BRD7: variants seen among roughly 807,000 people sequenced by gnomAD.
BRD7 encodes the protein bromodomain-containing protein 7.
In BRD7, 15 loss-of-function variants were observed where a neutral mutation model predicts 82.1. The ratio of observed to expected loss-of-function variants is 0.18; its 90% CI spans 0.12 to 0.28. BRD7 has a LOEUF of 0.28. Among genes scored for constraint, BRD7 ranks in the 10% least tolerant of loss-of-function variants. The pLI is 1.00. For missense variants in BRD7, 638 were observed against 779.9 expected, an observed-to-expected ratio of 0.82 and a Z score of 2.17; for synonymous variants, 232 against 266.9, an observed-to-expected ratio of 0.87 and a Z score of 1.27.
chr16:50,358,924 T>A lies in BRD7; in HGVS notation c.259-4002A>T, dbSNP rs149313668. 4.2e-3 allele frequency among the ~76,000 whole-genome samples: 637 copies of A among 152,312 alleles called. 2 individuals carry two copies. Among genetic ancestry groups the A allele is most frequent in the Non-Finnish European group, 7.3e-3 (497 of 68,020 alleles). On this transcript the variant is annotated intron_variant, in intron 2 of 16. Coordinates refer to ENST00000394688, the MANE Select transcript of BRD7 (RefSeq NM_013263.5). Reference sequence around the variant, plus strand: ...TCACCAGCATATGACTTTTAACAAGTTACCCCACTGTTTTAGTCTCAGTTT... The same window carrying A: ...TCACCAGCATATGACTTTTAACAAGATACCCCACTGTTTTAGTCTCAGTTT...
At chr16:50,347,683 G>C (rs1457478441) in intron 5 of BRD7, among the ~76,000 whole-genome samples, 3 of 152,078 alleles carry the variant, frequency 2.0e-5, no homozygotes, top group Admixed American at 6.6e-5. Flanking sequence ...GAATAAAATA[G>C]CTAGGAATCC....
At chr16:50,360,248 A>T (rs1457918100) in intron 2 of BRD7, among the ~76,000 whole-genome samples, 1 of 152,236 alleles carries the variant, frequency 6.6e-6, no homozygotes, top group African/African-American at 2.4e-5. Context: ...AATTAATCAT[A>T]GGAGACAGCA....
Position 50,318,691 on chromosome 16 carries a change from C to CTCTT in BRD7, c.*516_*519dup, listed in dbSNP as rs1282845427. The CTCTT allele has an allele frequency of 2.0e-5, 3 of 152,710 alleles. No homozygotes were observed. 9.5% of individuals were successfully genotyped at this position (152,710 alleles called of 1,614,324 possible). ...ACTTTGCTATAGTACTAAGTAACTCCTCTTTCTTTAAAAAACGGAAAAAAC... is the reference window on the plus strand; with the variant it reads ...ACTTTGCTATAGTACTAAGTAACTCCTCTTTCTTTCTTTAAAAAACGGAAAAAAC... On this transcript the variant is annotated 3_prime_UTR_variant, in exon 17 of 17. Coordinates refer to ENST00000394688, the MANE Select transcript of BRD7 (RefSeq NM_013263.5).
At chr16:50,328,045 C>T (rs2037412249) in intron 9 of BRD7, among the ~76,000 whole-genome samples, 1 of 152,128 alleles carries the variant, frequency 6.6e-6, no homozygotes, top group Non-Finnish European at 1.5e-5. Flanking sequence ...CTCACATTTG[C>T]ATATCTCAAT....
At chr16:50,334,559 A>G in intron 7 of BRD7, 152 bp downstream of exon 7, 1 of 815,728 alleles carries the variant, frequency 1.2e-6, no homozygotes, top group Non-Finnish European at 1.9e-6. Flanking sequence ...GAAGAGGGGT[A>G]TCACACCATC....
chr16:50,323,972 C>T (rs1300366207), intron 11 of BRD7, among the ~76,000 whole-genome samples: 3 of 152,172 alleles, frequency 2.0e-5, no homozygotes, highest in Non-Finnish European at 2.9e-5. Flanking sequence ...CGCCCCCTCA[C>T]TTCCTGTCTG....
At chr16:50,348,857 A>C (rs2038396425) in intron 5 of BRD7, among the ~76,000 whole-genome samples, 1 of 152,242 alleles carries the variant, frequency 6.6e-6, no homozygotes, top group African/African-American at 2.4e-5. Context: ...GCGATTCCTC[A>C]AGGATCTAGA....
chr16:50,361,777 TAA>T (rs2038944715), intron 2 of BRD7: 1 of 152,204 alleles, frequency 6.6e-6, no homozygotes, highest in African/African-American at 2.4e-5. Context: ...ATTCTGTGTT[TAA>T]AAAGAGACTT....
intron 13 of BRD7, 73 bp downstream of exon 13, chr16:50,321,909 C>T: frequency 7.2e-7 from 1 of 1,397,596 alleles, no homozygotes; most frequent in Non-Finnish European, 1.0e-6. Context: ...ATGGGCCTTC[C>T]CATTCTCAAG....
intron 1 of BRD7, 31 bp from the exon 2 acceptor site, chr16:50,368,329 C>G (rs62029995): frequency 0.45 from 722,434 of 1,603,252 alleles, 169,510 homozygotes; most frequent in Non-Finnish European, 0.49. Context: ...GAAAGGAAAG[C>G]GCGTCGATTA....
chr16:50,320,299 G>A lies in BRD7; in HGVS notation c.1705C>T (p.Pro569Ser), dbSNP rs746738131. Residue 569 changes from proline (P) to serine (S), a missense_variant, in exon 15 of 17, where the codon CCT (proline) becomes TCT (serine). This residue lies in a region of BRD7 where 402 missense variants were observed against 500.8 expected (regional missense o/e 0.80). Coordinates refer to ENST00000394688, the MANE Select transcript of BRD7 (RefSeq NM_013263.5). The part of the protein sequence containing the change: ...AQNERLSTRP[P>S]PNMICLLGPS... ...CCCAAGAGACAGATCATGTTCGGAG[G>A]GGGTCTGGTGCTCAAACGTTCATTC... 1 of 1,614,036 alleles carries A rather than the reference G, an allele frequency of 6.2e-7. No homozygotes were observed. Among genetic ancestry groups the A allele is most frequent in the Non-Finnish European group, 8.5e-7 (1 of 1,180,036 alleles).
chr16:50,353,472 G>GA (rs1417163115), intron 4 of BRD7, among the ~76,000 whole-genome samples: 1 of 152,088 alleles, frequency 6.6e-6, no homozygotes, highest in Non-Finnish European at 1.5e-5. Context: ...TACAATGAAA[G>GA]AAAGTCCACT....
rs1476568743 is a variant in BRD7, at chr16:50,352,570, A to C, written c.446+1855T>G. Among the ~76,000 whole-genome samples the C allele has an allele frequency of 5.3e-5, 8 of 152,202 alleles. No individual in the cohort carries two copies. In the East Asian group the frequency reaches 1.5e-3, roughly 29 times the overall value. On this transcript the variant is annotated intron_variant, in intron 4 of 16. Coordinates refer to ENST00000394688, the MANE Select transcript of BRD7 (RefSeq NM_013263.5). Reference sequence around the variant, plus strand: ...CTTTGGATATATACCCAGTAGCTGAATTGCTGGATCATATGGTAGTTCTAT... The same window carrying C: ...CTTTGGATATATACCCAGTAGCTGACTTGCTGGATCATATGGTAGTTCTAT...
Position 50,323,628 on chromosome 16 carries a change from T to A in BRD7, c.1402A>T (p.Thr468Ser), listed in dbSNP as rs780237988. 6 of 1,613,780 alleles carry A rather than the reference T, an allele frequency of 3.7e-6. No homozygotes were observed. In the Admixed American group the frequency reaches 1.0e-4, roughly 27 times the overall value. Residue 468 changes from threonine (T) to serine (S), a missense_variant, in exon 12 of 17, where the codon ACA becomes TCA. This residue lies in a region of BRD7 where 402 missense variants were observed against 500.8 expected (regional missense o/e 0.80). Transcript: ENST00000394688. ...VMADSLLDVL[T>S]KGGHSRTLQE... The stretch of plus-strand genomic sequence containing the variant: ...AGGGTCCTGGAATGCCCTCCTTTTG[T>A]TAAAACATCCAGTAAACTATCTGCC...
At chr16:50,320,534 C>CA in intron 14 of BRD7, 129 bp downstream of exon 14, 1 of 1,403,658 alleles carries the variant, frequency 7.1e-7, no homozygotes, top group African/African-American at 1.4e-5. Flanking sequence ...ACGCCATACC[C>CA]ATTCATTTAA....
At chr16:50,333,275 G>C (rs1378878484) in intron 8 of BRD7, among the ~76,000 whole-genome samples, 1 of 152,054 alleles carries the variant, frequency 6.6e-6, no homozygotes, top group African/African-American at 2.4e-5. Context: ...AGTAAAAGAG[G>C]GTAAGATTAA....
intron 1 of BRD7, 165 bp downstream of exon 1, chr16:50,368,561 G>T: frequency 1.3e-6 from 1 of 768,078 alleles, no homozygotes; most frequent in Non-Finnish European, 1.9e-6. Flanking sequence ...GAATGCCGCG[G>T]CCGCACGGGG....
Position 50,328,700 on chromosome 16 carries a change from T to C in BRD7, c.1056A>G (p.Gly352=). 1.2e-6 allele frequency: 2 copies of C among 1,613,996 alleles called. No individual in the cohort carries two copies. Among genetic ancestry groups the C allele is most frequent in the Non-Finnish European group, 1.7e-6 (2 of 1,179,974 alleles). The change falls in exon 9 of 17, where the codon GGA becomes GGG. Residue 352 remains glycine (G), a synonymous_variant. Transcript: ENST00000394688. ...CAATGGGATCCACAGGATGGAGAAG[T>C]CCCAACGTCGTTGTTCCATCTGGTT... is the stretch of plus-strand genomic sequence containing the variant. ...RRKPDGTTTL[G]LLHPVDPIVG... is the part of the protein sequence containing the mutation.
intron 12 of BRD7, 134 bp downstream of exon 12, chr16:50,323,453 G>C: frequency 1.4e-6 from 1 of 712,672 alleles, no homozygotes. Context: ...GTGGCCTCCA[G>C]CCGGGCTGGG....
Sources: gnomAD v4.1 joint callset for allele counts (sites outside exome capture counted in the v4.1 genomes callset) on GRCh38, gnomAD v4.1.1 for gene constraint, gnomAD v4.1.1 regional missense constraint, MANE v1.5 for transcripts, NCBI Gene and HGNC (gene_info 2026-07-23, HGNC 2026-07-21) for gene names.